Variants in EXOC6B observed in about 807,000 individuals in gnomAD.
The protein encoded by EXOC6B is SEC15 homolog B.
Under a neutral mutation model 113.5 loss-of-function variants are expected in EXOC6B, and 54 were observed. The observed-to-expected ratio is 0.48, with a 90% CI of 0.38 to 0.60. The LOEUF is 0.60. Ranked by LOEUF, EXOC6B falls within the 20% of genes least tolerant of loss-of-function variation. EXOC6B has a pLI of 0.00. For missense variants in EXOC6B, 797 were observed against 977.5 expected (o/e 0.82, Z 2.46); for synonymous variants, 357 against 339.0 (o/e 1.05, Z -0.58).
At chr2:72,728,168 A>G (rs529082268) in intron 5 of EXOC6B, among the ~76,000 whole-genome samples, 1 of 152,248 alleles carries the variant, frequency 6.6e-6, no homozygotes, top group Admixed American at 6.5e-5. Flanking sequence ...CAACAATAAG[A>G]TCAAAGACAA....
intron 8 of EXOC6B, among the ~76,000 whole-genome samples, chr2:72,519,458 T>A (rs1395256516): frequency 6.6e-6 from 1 of 152,120 alleles, no homozygotes; most frequent in Non-Finnish European, 1.5e-5. Context: ...TAGATAAAAC[T>A]CCTCTCAGGC....
intron 20 of EXOC6B, among the ~76,000 whole-genome samples, chr2:72,234,789 A>G (rs1357268816): frequency 1.3e-5 from 2 of 152,236 alleles, no homozygotes; most frequent in African/African-American, 4.8e-5. Context: ...TGCAGCCAAC[A>G]AGCATACAGA....
intron 1 of EXOC6B, among the ~76,000 whole-genome samples, chr2:72,767,808 T>TTAAAAA (rs561079706): frequency 7.9e-5 from 1 of 12,680 alleles, no homozygotes; most frequent in Non-Finnish European, 1.5e-4. Context: ...GAGACCTTGT[T>TTAAAAA]AAAAAAAAAA....
chr2:72,462,383 A>G (rs867561420), intron 18 of EXOC6B: 19 of 152,124 alleles, frequency 1.2e-4, no homozygotes, highest in African/African-American at 3.9e-4. Context: ...ATGAATAATA[A>G]TATGCATGTG....
chr2:72,510,153 T>A (rs1352680292), intron 11 of EXOC6B, among the ~76,000 whole-genome samples: 1 of 152,186 alleles, frequency 6.6e-6, no homozygotes, highest in African/African-American at 2.4e-5. Context: ...TATTATTTTT[T>A]AAAAGCATAA....
At chr2:72,472,357 T>C (rs572222159) in intron 17 of EXOC6B, among the ~76,000 whole-genome samples, 3 of 152,232 alleles carry the variant, frequency 2.0e-5, no homozygotes, top group South Asian at 2.1e-4. Context: ...TTTGTTCAGA[T>C]ACTATTTATT....
At chr2:72,548,071 C>T (rs2105811308) in intron 8 of EXOC6B, among the ~76,000 whole-genome samples, 1 of 152,196 alleles carries the variant, frequency 6.6e-6, no homozygotes, top group Admixed American at 6.5e-5. Flanking sequence ...TATCAAAGAC[C>T]ATGTCTCAAT....
At chr2:72,320,943 A>C (rs1222048830) in intron 20 of EXOC6B, among the ~76,000 whole-genome samples, 1 of 152,232 alleles carries the variant, frequency 6.6e-6, no homozygotes, top group African/African-American at 2.4e-5. Flanking sequence ...AAAATATTTG[A>C]ACAAATATAT....
At chr2:72,776,122 C>T (rs1268572212) in intron 1 of EXOC6B, among the ~76,000 whole-genome samples, 1 of 151,880 alleles carries the variant, frequency 6.6e-6, no homozygotes, top group African/African-American at 2.4e-5. Flanking sequence ...ATACATATAC[C>T]CTTACATATG....
intron 20 of EXOC6B, chr2:72,289,092 G>A (rs1035047645): frequency 1.1e-5 from 3 of 284,430 alleles, no homozygotes; most frequent in Admixed American, 7.7e-5. Flanking sequence ...CACAGGAGGG[G>A]AAATCCTGGG....
chr2:72,693,928 C>T (rs1488554171), intron 6 of EXOC6B, among the ~76,000 whole-genome samples: 1 of 151,902 alleles, frequency 6.6e-6, no homozygotes, highest in Non-Finnish European at 1.5e-5. Context: ...TATCCAAATC[C>T]CTTTAAGGAA....
intron 18 of EXOC6B, among the ~76,000 whole-genome samples, chr2:72,431,489 C>A (rs1260630528): frequency 8.4e-6 from 1 of 118,730 alleles, no homozygotes; most frequent in Non-Finnish European, 1.9e-5. Flanking sequence ...ATTTCTTTAT[C>A]TATCTATCTA....
At chr2:72,497,041 G>A (rs1700073612) in intron 13 of EXOC6B, among the ~76,000 whole-genome samples, 1 of 150,412 alleles carries the variant, frequency 6.6e-6, no homozygotes, top group African/African-American at 2.4e-5. Context: ...TGGCATGATC[G>A]TAGCTCACTG....
chr2:72,763,976 G>A (rs1023896936), intron 1 of EXOC6B, among the ~76,000 whole-genome samples: 1 of 152,016 alleles, frequency 6.6e-6, no homozygotes, highest in Non-Finnish European at 1.5e-5. Context: ...GTACTCGGGA[G>A]GCTGTGGTGG....
intron 1 of EXOC6B, among the ~76,000 whole-genome samples, chr2:72,816,077 T>C (rs959549630): frequency 2.6e-5 from 4 of 152,220 alleles, no homozygotes; most frequent in African/African-American, 9.6e-5. Flanking sequence ...GAGAATCGCT[T>C]GAGCCCGGGA....
chr2:72,294,474 C>T (rs909305401), intron 20 of EXOC6B, among the ~76,000 whole-genome samples: 8 of 151,938 alleles, frequency 5.3e-5, no homozygotes, highest in Admixed American at 4.6e-4. Context: ...TTTGTAGAGA[C>T]GGGGTCTCAT....
chr2:72,387,643 T>C lies in EXOC6B; in HGVS notation c.1981-7773A>G, dbSNP rs77844780. On this transcript the variant is annotated intron_variant, in intron 18 of 21. Coordinates refer to ENST00000272427, the MANE Select transcript of EXOC6B (RefSeq NM_015189.3). ...GTCAAATTAATTAGAATAAAGTTGT[T>C]CATATTTTACTTGACTATATATTTA... Among the ~76,000 whole-genome samples the C allele has an allele frequency of 5.5e-3, 832 of 152,276 alleles. 7 individuals carry two copies. Among genetic ancestry groups the C allele is most frequent in the African/African-American group, 0.019 (804 of 41,564 alleles).
chr2:72,453,407 C>T (rs1186552770), intron 18 of EXOC6B, among the ~76,000 whole-genome samples: 1 of 151,880 alleles, frequency 6.6e-6, no homozygotes, highest in Non-Finnish European at 1.5e-5. Context: ...TTTAAAATGC[C>T]AACAACAATT....
At chr2:72,204,234 G>A (rs560347981) in intron 20 of EXOC6B, among the ~76,000 whole-genome samples, 83 of 152,242 alleles carry the variant, frequency 5.5e-4, no homozygotes, top group Non-Finnish European at 8.4e-4. Context: ...TTATGAGAAA[G>A]TATTGTAGGA....
Sources: gnomAD v4.1 joint callset for allele counts (sites outside exome capture counted in the v4.1 genomes callset) on GRCh38, gnomAD v4.1.1 for gene constraint, MANE v1.5 for transcripts, NCBI Gene and HGNC (gene_info 2026-07-23, HGNC 2026-07-21) for gene names.